Variants in CNTN1 observed in about 807,000 individuals in gnomAD.
The protein encoded by CNTN1 is contactin 1, also known as contactin-1.
A neutral mutation model predicts 126.4 loss-of-function variants in CNTN1; 38 were observed. That is an observed-to-expected ratio of 0.30 (90% CI 0.23 to 0.39). CNTN1 has a LOEUF of 0.39. Ranked by LOEUF, CNTN1 falls within the 10% of genes least tolerant of loss-of-function variation. CNTN1 has a pLI of 1.00. For synonymous variants in CNTN1, 413 were observed against 422.6 expected, an observed-to-expected ratio of 0.98 and a Z score of 0.28; for missense variants, 1,009 against 1,248.4, an observed-to-expected ratio of 0.81 and a Z score of 2.89.
At chr12:40,787,942 T>A (rs750263315) in intron 1 of CNTN1, among the ~76,000 whole-genome samples, 16 of 152,184 alleles carry the variant, frequency 1.1e-4, no homozygotes, top group African/African-American at 1.4e-4. Flanking sequence ...TAAACAGAAT[T>A]GGTTTGAACC....
intron 1 of CNTN1, among the ~76,000 whole-genome samples, chr12:40,698,058 T>C (rs932819599): frequency 1.3e-5 from 2 of 152,038 alleles, no homozygotes. Context: ...CCACTTTTCC[T>C]GCACTGTCTT....
intron 19 of CNTN1, among the ~76,000 whole-genome samples, chr12:41,017,381 CAA>C (rs1178250513): frequency 0.013 from 1,001 of 79,582 alleles, 5 homozygotes; most frequent in African/African-American, 0.038. Flanking sequence ...GACTCCGTCT[CAA>C]AAAAAAAAAA....
chr12:40,891,880 C>T (rs1167619432), intron 1 of CNTN1, among the ~76,000 whole-genome samples: 2 of 152,040 alleles, frequency 1.3e-5, no homozygotes, highest in African/African-American at 4.8e-5. Flanking sequence ...GACTATTCTG[C>T]TTCTCTATGT....
chr12:40,846,042 A>T (rs981444284), intron 1 of CNTN1, among the ~76,000 whole-genome samples: 2 of 152,240 alleles, frequency 1.3e-5, no homozygotes, highest in African/African-American at 4.8e-5. Context: ...TCTATGGGAA[A>T]TAATCAGTTT....
intron 3 of CNTN1, among the ~76,000 whole-genome samples, chr12:40,913,212 C>T (rs1945105976): frequency 6.6e-6 from 1 of 152,182 alleles, no homozygotes. Flanking sequence ...TAAAAAAGTA[C>T]TGCAATGTTA....
chr12:40,770,807 T>C (rs960557046), intron 1 of CNTN1, among the ~76,000 whole-genome samples: 1 of 152,156 alleles, frequency 6.6e-6, no homozygotes, highest in African/African-American at 2.4e-5. Context: ...ATGCTTTTTC[T>C]GTTACGTGAA....
At chr12:40,968,552 T>A (rs961798078) in intron 15 of CNTN1, among the ~76,000 whole-genome samples, 1 of 152,160 alleles carries the variant, frequency 6.6e-6, no homozygotes, top group Non-Finnish European at 1.5e-5. Flanking sequence ...TCCTGCTTTT[T>A]AAAATAATGT....
At chr12:40,711,625 A>G (rs1442715436) in intron 1 of CNTN1, among the ~76,000 whole-genome samples, 2 of 151,956 alleles carry the variant, frequency 1.3e-5, no homozygotes, top group Non-Finnish European at 2.9e-5. Context: ...GACCACAGTC[A>G]TTTCTCCTTC....
chr12:40,801,081 A>G (rs1940634531), intron 1 of CNTN1, among the ~76,000 whole-genome samples: 1 of 150,870 alleles, frequency 6.6e-6, no homozygotes, highest in Non-Finnish European at 1.5e-5. Context: ...GACAAGTAGC[A>G]CAGATTTTTA....
chr12:40,819,344 C>T (rs181944130), intron 1 of CNTN1, among the ~76,000 whole-genome samples: 34 of 152,196 alleles, frequency 2.2e-4, no homozygotes, highest in Middle Eastern at 3.4e-3. Context: ...GGGCTCAGAT[C>T]CAGGGAGCTC....
chr12:40,926,182 TA>T (rs1470112520), intron 6 of CNTN1, among the ~76,000 whole-genome samples: 6 of 149,504 alleles, frequency 4.0e-5, no homozygotes, highest in Non-Finnish European at 8.9e-5. Context: ...GATAGATAGA[TA>T]GATAGATAGA....
At chr12:40,925,800 T>TTATATATATATATA (rs370971706) in intron 6 of CNTN1, among the ~76,000 whole-genome samples, 198 of 116,498 alleles carry the variant, frequency 1.7e-3, no homozygotes, top group African/African-American at 5.6e-3. Flanking sequence ...ACTATTGAAA[T>TTATATATATATATA]TATATATATA....
intron 1 of CNTN1, among the ~76,000 whole-genome samples, chr12:40,785,836 C>G (rs1320757797): frequency 6.6e-6 from 1 of 152,104 alleles, no homozygotes; most frequent in Non-Finnish European, 1.5e-5. Context: ...ACAACCAGAT[C>G]TCACATTAAC....
chr12:41,067,540 TCTCA>T (rs1950071723), intron 23 of CNTN1, among the ~76,000 whole-genome samples: 1 of 146,596 alleles, frequency 6.8e-6, no homozygotes, highest in Non-Finnish European at 1.5e-5. Context: ...CACCGCATAT[TCTCA>T]CTCATAGGTG....
chr12:40,929,172 G>T (rs1945795344), intron 6 of CNTN1, among the ~76,000 whole-genome samples: 1 of 151,896 alleles, frequency 6.6e-6, no homozygotes, highest in Non-Finnish European at 1.5e-5. Context: ...TAACTAGTTA[G>T]TGTGTTCAGC....
At chr12:40,698,932 C>T (rs1941526190) in intron 1 of CNTN1, among the ~76,000 whole-genome samples, 1 of 152,152 alleles carries the variant, frequency 6.6e-6, no homozygotes, top group Admixed American at 6.5e-5. Flanking sequence ...TCGCAACACC[C>T]TCCCATGTTC....
At chr12:40,844,470 T>C (rs1942426549) in intron 1 of CNTN1, among the ~76,000 whole-genome samples, 1 of 152,188 alleles carries the variant, frequency 6.6e-6, no homozygotes, top group South Asian at 2.1e-4. Context: ...TATGAAAATA[T>C]GAATGCCTTT....
intron 16 of CNTN1, among the ~76,000 whole-genome samples, chr12:40,988,021 C>T (rs1261245212): frequency 6.6e-6 from 1 of 150,854 alleles, no homozygotes; most frequent in African/African-American, 2.4e-5. Flanking sequence ...AGGCTACATT[C>T]GTATTTCCCT....
intron 15 of CNTN1, among the ~76,000 whole-genome samples, chr12:40,962,651 T>C (rs1270956308): frequency 1.3e-5 from 2 of 152,140 alleles, no homozygotes; most frequent in African/African-American, 4.8e-5. Context: ...AGATATGAAC[T>C]ATTGTAATTC....
Sources: allele counts gnomAD v4.1 joint callset (sites outside exome capture counted in the v4.1 genomes callset), GRCh38; gene constraint gnomAD v4.1.1; transcripts MANE v1.5; gene names NCBI Gene and HGNC (gene_info 2026-07-23, HGNC 2026-07-21).